Variants in CDK12 observed in about 807,000 individuals in gnomAD.
CDK12 encodes the protein cyclin dependent kinase 12.
Under a neutral mutation model 133.8 loss-of-function variants are expected in CDK12, and 17 were observed. That is an observed-to-expected ratio of 0.13 (90% CI 0.09 to 0.19). CDK12 has a LOEUF of 0.19. Among genes scored for constraint, CDK12 ranks in the 10% least tolerant of loss-of-function variants. The probability of loss-of-function intolerance (pLI) is 1.00; values close to 1 mark genes in which losing one functional copy is unlikely to be tolerated. For synonymous variants in CDK12, 694 were observed against 683.6 expected (o/e 1.02, Z -0.24); for missense variants, 1,508 against 1,818.7 (o/e 0.83, Z 3.11).
At chr17:39,500,055 A>G (rs2052607255) in intron 5 of CDK12, among the ~76,000 whole-genome samples, 1 of 152,214 alleles carries the variant, frequency 6.6e-6, no homozygotes, top group South Asian at 2.1e-4. Flanking sequence ...CAGGCTGAGC[A>G]CAGTGGCTTA....
rs1398414778 is a variant in CDK12 at position 39,494,413 on chromosome 17, G to A, written c.2249-111G>A. ...AAAGGTGTATAAGTATCTCGTGTAA[G>A]CATTAAAGTAAGCACTAAGTTTGTC... On this transcript the variant is annotated intron_variant, in intron 4 of 13. Transcript: ENST00000447079. The A allele has an allele frequency of 1.3e-5, 11 of 828,896 alleles. No individual in the cohort carries two copies. In the East Asian group the frequency reaches 1.8e-4, roughly 14 times the overall value. The allele number at this position is 828,896 out of a possible 1,614,324, so 51.3% of individuals were successfully genotyped here.
At chr17:39,506,665 C>T (rs2053150620) in intron 6 of CDK12, among the ~76,000 whole-genome samples, 1 of 152,042 alleles carries the variant, frequency 6.6e-6, no homozygotes. Flanking sequence ...GGTTAATTAA[C>T]CAAGGGGTCC....
At chr17:39,519,242 C>G (rs542547405) in intron 10 of CDK12, among the ~76,000 whole-genome samples, 1 of 146,308 alleles carries the variant, frequency 6.8e-6, no homozygotes, top group South Asian at 2.2e-4. Context: ...AATCTGCTTG[C>G]TTGTGTTAGC....
chr17:39,547,129 A>AT (rs34569985), upstream of CDK12, among the ~76,000 whole-genome samples: 63,760 of 90,954 alleles, frequency 0.7, 23,328 homozygotes, highest in South Asian at 0.89. Flanking sequence ...GAGTACTAGG[A>AT]TTTTTTTTTT....
chr17:39,518,668 C>T (rs920970859), intron 10 of CDK12, among the ~76,000 whole-genome samples: 6 of 152,066 alleles, frequency 3.9e-5, no homozygotes, highest in African/African-American at 1.4e-4. Flanking sequence ...AAGGAATTCT[C>T]CTGCCTCAGC....
At chr17:39,501,149 G>C in intron 5 of CDK12, 101 bp from the exon 6 acceptor site, 1 of 744,136 alleles carries the variant, frequency 1.3e-6, no homozygotes, top group East Asian at 2.8e-5. Flanking sequence ...TTTTTCTAGA[G>C]AACCTGTGGT....
intron 5 of CDK12, among the ~76,000 whole-genome samples, chr17:39,497,078 G>A (rs963729862): frequency 3.6e-4 from 55 of 151,930 alleles, no homozygotes; most frequent in African/African-American, 1.3e-3. Context: ...TTAAACAGGC[G>A]CACGCCACCA....
At chr17:39,465,514 T>C (rs990568810) in intron 1 of CDK12, among the ~76,000 whole-genome samples, 3 of 150,946 alleles carry the variant, frequency 2.0e-5, no homozygotes, top group African/African-American at 7.3e-5. Flanking sequence ...TGAGACAGAG[T>C]CTTGTTTTGT....
chr17:39,525,535 G>C (rs1364466633), intron 12 of CDK12, among the ~76,000 whole-genome samples: 1 of 152,160 alleles, frequency 6.6e-6, no homozygotes, highest in Non-Finnish European at 1.5e-5. Flanking sequence ...GGGTCCTGAG[G>C]CATCTGAATA....
intron 9 of CDK12, 143 bp from the exon 10 acceptor site, chr17:39,517,290 AATGTCAT>A (rs2053873518): frequency 1.6e-6 from 1 of 625,608 alleles, no homozygotes; most frequent in Non-Finnish European, 2.9e-6. Flanking sequence ...TTAAAGCAGT[AATGTCAT>A]ATTTTCCTTT....
chr17:39,566,578 C>T (rs2056582846), downstream of CDK12, among the ~76,000 whole-genome samples: 1 of 152,180 alleles, frequency 6.6e-6, no homozygotes, highest in African/African-American at 2.4e-5. Flanking sequence ...ACCCGCCATA[C>T]CCCCCTTCTC....
intron 2 of CDK12, 77 bp from the exon 3 acceptor site, chr17:39,490,480 G>A (rs2051501392): frequency 1.1e-6 from 1 of 944,768 alleles, no homozygotes; most frequent in African/African-American, 1.7e-5. Context: ...TTCGTAACCA[G>A]GCATTATGAT....
At chr17:39,510,117 T>C (rs957237852) in intron 7 of CDK12, among the ~76,000 whole-genome samples, 6 of 144,434 alleles carry the variant, frequency 4.2e-5, no homozygotes, top group Non-Finnish European at 9.1e-5. Context: ...TCTCTCTCTT[T>C]TTTTTTTTTT....
At chr17:39,503,901 G>A (rs186454113) in intron 6 of CDK12, among the ~76,000 whole-genome samples, 2 of 152,276 alleles carry the variant, frequency 1.3e-5, no homozygotes, top group Admixed American at 6.5e-5. Flanking sequence ...ATAGAAGAGA[G>A]ACACAGTCAA....
chr17:39,491,435 C>G (rs1371580206), intron 3 of CDK12, among the ~76,000 whole-genome samples: 1 of 152,024 alleles, frequency 6.6e-6, no homozygotes, highest in Non-Finnish European at 1.5e-5. Flanking sequence ...TGGGGTTTCA[C>G]CATGTTGGCC....
intron 6 of CDK12, among the ~76,000 whole-genome samples, chr17:39,501,659 A>G (rs935655474): frequency 1.3e-5 from 2 of 152,116 alleles, no homozygotes; most frequent in African/African-American, 4.8e-5. Flanking sequence ...ATTGATGTGC[A>G]GTTGGTGATT....
chr17:39,473,054 C>T (rs2049919614), intron 2 of CDK12, among the ~76,000 whole-genome samples: 6 of 150,180 alleles, frequency 4.0e-5, no homozygotes, highest in South Asian at 2.1e-4. Context: ...CCAGTCTGGG[C>T]GATAGAGCGA....
chr17:39,466,307 C>G, intron 1 of CDK12, among the ~76,000 whole-genome samples: 1 of 94,518 alleles, frequency 1.1e-5, no homozygotes. Context: ...GACTGCGTCT[C>G]AAAAAAAAAA....
At chr17:39,540,118 G>C (rs909917934) in intron 1 of CDK12, among the ~76,000 whole-genome samples, 2 of 152,202 alleles carry the variant, frequency 1.3e-5, no homozygotes, top group African/African-American at 4.8e-5. Context: ...AGCACTGAGA[G>C]TTTACAGTAG....
Sources: gnomAD v4.1 joint callset for allele counts (sites outside exome capture counted in the v4.1 genomes callset) on GRCh38, gnomAD v4.1.1 for gene constraint, MANE v1.5 for transcripts, NCBI Gene and HGNC (gene_info 2026-07-23, HGNC 2026-07-21) for gene names.